Variants in CNTNAP2 observed in about 807,000 individuals in gnomAD.
CNTNAP2 encodes the protein contactin associated protein 2, also known as contactin-associated protein-like 2.
A neutral mutation model predicts 155.2 loss-of-function variants in CNTNAP2; 98 were observed. The ratio of observed to expected loss-of-function variants is 0.63; its 90% CI spans 0.54 to 0.75. CNTNAP2 has a LOEUF of 0.75. Ranked by LOEUF, CNTNAP2 falls within the 30% of genes least tolerant of loss-of-function variation. CNTNAP2 has a pLI of 0.00. For synonymous variants in CNTNAP2, 651 were observed against 631.2 expected (o/e 1.03, Z -0.47); for missense variants, 1,727 against 1,688.1 (o/e 1.02, Z -0.40).
chr7:147,648,207 A>G (rs1010514241), intron 13 of CNTNAP2, among the ~76,000 whole-genome samples: 3 of 152,188 alleles, frequency 2.0e-5, no homozygotes, highest in African/African-American at 7.2e-5. Flanking sequence ...TTCAGATTAA[A>G]GATGTAAGAC....
chr7:148,157,422 A>C (rs988944177), intron 17 of CNTNAP2, among the ~76,000 whole-genome samples: 1 of 152,136 alleles, frequency 6.6e-6, no homozygotes, highest in African/African-American at 2.4e-5. Flanking sequence ...TCAAAATTAG[A>C]TCATCTCCTT....
At chr7:147,505,393 A>G (rs1256763539) in intron 11 of CNTNAP2, among the ~76,000 whole-genome samples, 1 of 151,026 alleles carries the variant, frequency 6.6e-6, no homozygotes, top group Non-Finnish European at 1.5e-5. Context: ...ACAATGTGTG[A>G]CTAAAAATAA....
chr7:146,464,192 T>G lies in CNTNAP2; in HGVS notation c.98-310079T>G, dbSNP rs972699678. Among the ~76,000 whole-genome samples the G allele has an allele frequency of 3.8e-4, 57 of 149,518 alleles. 1 individual carries two copies. Among genetic ancestry groups the G allele is most frequent in the Middle Eastern group, 3.5e-3 (1 of 288 alleles). On this transcript the variant is annotated intron_variant, in intron 1 of 23. Coordinates refer to ENST00000361727, the MANE Select transcript of CNTNAP2 (RefSeq NM_014141.6). ...AATGTCTTTCCTTTGAAACTGTTTT[T>G]TTTTTTTTTTTTTTGGCTCTCTTTC... is the stretch of plus-strand genomic sequence containing the variant.
chr7:146,919,745 G>C (rs1796461410), intron 3 of CNTNAP2, among the ~76,000 whole-genome samples: 2 of 152,170 alleles, frequency 1.3e-5, no homozygotes, highest in South Asian at 2.1e-4. Flanking sequence ...GGGGCATACA[G>C]CTCCCAAGAG....
intron 9 of CNTNAP2, among the ~76,000 whole-genome samples, chr7:147,333,428 T>C (rs1212809889): frequency 6.6e-6 from 1 of 152,146 alleles, no homozygotes; most frequent in Non-Finnish European, 1.5e-5. Context: ...AAAAACTTAG[T>C]ATATTGTCAT....
intron 1 of CNTNAP2, among the ~76,000 whole-genome samples, chr7:146,756,228 A>AT (rs1336062836): frequency 6.6e-6 from 1 of 151,994 alleles, no homozygotes. Flanking sequence ...TGAATTTATG[A>AT]TAAAAACATG....
chr7:147,694,352 C>G lies in CNTNAP2; in HGVS notation c.2098+55046C>G, dbSNP rs79763957. ...ATGTCTTTGTCTGGTTTTGGTATTC[C>G]TCAAAGTATGAGTTAGGACATATTC... On this transcript the variant is annotated intron_variant, in intron 13 of 23. Coordinates refer to ENST00000361727, the MANE Select transcript of CNTNAP2 (RefSeq NM_014141.6). Among the ~76,000 whole-genome samples, 1,274 of 151,968 alleles carry G rather than the reference C, an allele frequency of 8.4e-3. 7 individuals are homozygous for G. The highest frequency in any genetic ancestry group is 0.019 in the South Asian group (90 of 4,816).
chr7:146,471,617 T>C (rs997379425), intron 1 of CNTNAP2, among the ~76,000 whole-genome samples: 16 of 152,250 alleles, frequency 1.1e-4, no homozygotes, highest in African/African-American at 3.9e-4. Flanking sequence ...TCAATTTGTG[T>C]GTGCAGATTC....
rs148824030 is a variant in CNTNAP2 at position 146,353,947 on chromosome 7, A to G, written c.97+236974A>G. 2.5e-3 allele frequency among the ~76,000 whole-genome samples: 386 copies of G among 152,316 alleles called. 4 individuals are homozygous for G. The highest frequency in any genetic ancestry group is 8.7e-3 in the African/African-American group (361 of 41,570). On this transcript the variant is annotated intron_variant, in intron 1 of 23. Coordinates refer to ENST00000361727, the MANE Select transcript of CNTNAP2 (RefSeq NM_014141.6). ...ATAAAAGCTGTATTTGTTCAAAAAT[A>G]TTGCTAGGCATAAAAATAGATAATA...
At chr7:147,907,277 C>T (rs564835612) in intron 14 of CNTNAP2, among the ~76,000 whole-genome samples, 2 of 152,080 alleles carry the variant, frequency 1.3e-5, no homozygotes, top group South Asian at 2.1e-4. Context: ...AGGATAGTCT[C>T]GATCTCCTGA....
intron 20 of CNTNAP2, among the ~76,000 whole-genome samples, chr7:148,251,050 AC>A (rs1796355402): frequency 6.6e-6 from 1 of 151,616 alleles, no homozygotes; most frequent in Non-Finnish European, 1.5e-5. Flanking sequence ...TTATTACCTC[AC>A]TCTCTGCAAA....
At chr7:148,084,603 A>G (rs1390064067) in intron 15 of CNTNAP2, among the ~76,000 whole-genome samples, 2 of 151,948 alleles carry the variant, frequency 1.3e-5, no homozygotes, top group Non-Finnish European at 2.9e-5. Flanking sequence ...AAAGAAGGGA[A>G]TGGCATTTTA....
intron 3 of CNTNAP2, among the ~76,000 whole-genome samples, chr7:146,870,786 T>G (rs1033929259): frequency 6.6e-6 from 1 of 152,164 alleles, no homozygotes; most frequent in Admixed American, 6.6e-5. Context: ...ATAAAAATTT[T>G]TATTAAAAAT....
intron 10 of CNTNAP2, among the ~76,000 whole-genome samples, chr7:147,435,085 G>T (rs1797529411): frequency 6.6e-6 from 1 of 152,128 alleles, no homozygotes; most frequent in South Asian, 2.1e-4. Context: ...GAGATCTGAA[G>T]GAAGCATTTT....
chr7:148,312,557 G>A (rs186343883), intron 21 of CNTNAP2, among the ~76,000 whole-genome samples: 2,449 of 152,100 alleles, frequency 0.016, 56 homozygotes, highest in African/African-American at 0.056. Context: ...AGAATAATGG[G>A]TTGTGGAGGG....
intron 9 of CNTNAP2, among the ~76,000 whole-genome samples, chr7:147,317,674 A>T (rs1025772801): frequency 6.6e-6 from 1 of 152,152 alleles, no homozygotes; most frequent in African/African-American, 2.4e-5. Context: ...TTTTGAGTAT[A>T]TATAATAGAT....
In CNTNAP2 at chr7:146,596,017, A is replaced by G. The variant is rs536152344; in HGVS notation, c.98-178254A>G. ...GATATTGTAGCACTGAAAGTTGTCA[A>G]TGGATTATCTAAGATGATTAGAAGC... On this transcript the variant is annotated intron_variant, in intron 1 of 23. Coordinates refer to ENST00000361727, the MANE Select transcript of CNTNAP2 (RefSeq NM_014141.6). 2.0e-5 allele frequency among the ~76,000 whole-genome samples: 3 copies of G among 152,052 alleles called. No homozygotes were observed. The South Asian group carries it at 6.2e-4, about 31-fold the overall frequency.
chr7:148,164,696 T>C (rs1805616866), intron 17 of CNTNAP2, among the ~76,000 whole-genome samples: 1 of 147,938 alleles, frequency 6.8e-6, no homozygotes, highest in South Asian at 2.2e-4. Flanking sequence ...TCTTGGCTCA[T>C]TGCAAGCTCC....
chr7:146,752,950 G>C (rs1363358310), intron 1 of CNTNAP2, among the ~76,000 whole-genome samples: 1 of 152,128 alleles, frequency 6.6e-6, no homozygotes, highest in African/African-American at 2.4e-5. Flanking sequence ...AATAATTACA[G>C]AGTAAATGGA....
Sources: gnomAD v4.1 joint callset for allele counts (sites outside exome capture counted in the v4.1 genomes callset) on GRCh38, gnomAD v4.1.1 for gene constraint, MANE v1.5 for transcripts, NCBI Gene and HGNC (gene_info 2026-07-23, HGNC 2026-07-21) for gene names.